The following MGST1 variants were observed in gnomAD, a reference collection of about 807,000 sequenced individuals.
MGST1 encodes the protein glutathione S-transferase 12.
In MGST1, 5 loss-of-function variants were observed where a neutral mutation model predicts 8.9. The observed-to-expected ratio is 0.56, with a 90% CI of 0.29 to 1.19. The LOEUF (loss-of-function observed/expected upper bound fraction) is 1.19, where lower values mean the gene tolerates loss of function less well. MGST1 is among the 50% of genes most tolerant of loss of function. MGST1 has a pLI of 0.08. For synonymous variants in MGST1, 54 were observed against 67.8 expected, an observed-to-expected ratio of 0.80 and a Z score of 1.00; for missense variants, 182 against 187.4, an observed-to-expected ratio of 0.97 and a Z score of 0.17.
At chr12:16,440,271 A>G (rs998745666), downstream of MGST1, among the ~76,000 whole-genome samples, 5 of 150,572 alleles carry the variant, frequency 3.3e-5, no homozygotes, top group South Asian at 8.3e-4. Flanking sequence ...ACACACACAC[A>G]TACACAGTAA....
rs557038727 is a variant in MGST1 at position 16,518,509 on chromosome 12, T to A, written n.483-71019T>A. Among the ~76,000 whole-genome samples the A allele has an allele frequency of 5.9e-5, 9 of 152,094 alleles. No individual in the cohort carries two copies. In the South Asian group the frequency reaches 6.2e-4, roughly 11 times the overall value. The stretch of plus-strand genomic sequence containing the variant: ...TTGCACTTATTTGTTCCCTCTTTTT[T>A]AAAAAAAATGTTTTCCTCACTAAAA... On this transcript the variant is annotated intron_variant and non_coding_transcript_variant, in intron 4 of 4. Transcript: ENST00000538857.
downstream of MGST1, among the ~76,000 whole-genome samples, chr12:16,366,501 G>A (rs1591706529): frequency 6.6e-6 from 1 of 152,058 alleles, no homozygotes; most frequent in Non-Finnish European, 1.5e-5. The surrounding 1 kb of genome is among the most constrained non-coding windows in gnomAD (Gnocchi z 4.0). Flanking sequence ...GGACTCAGGT[G>A]GAATGGTACA....
chr12:16,396,354 C>T (rs1009484863), intron 1 of MGST1, among the ~76,000 whole-genome samples: 10 of 152,188 alleles, frequency 6.6e-5, no homozygotes, highest in African/African-American at 1.9e-4. Context: ...AAGTTGAAAG[C>T]ATTCCCTCTG....
At chr12:16,514,749 G>A (rs961634734) in intron 4 of MGST1, among the ~76,000 whole-genome samples, 1 of 152,218 alleles carries the variant, frequency 6.6e-6, no homozygotes, top group African/African-American at 2.4e-5. Flanking sequence ...GGATGAGAGA[G>A]GGTGGATGGT....
Position 16,486,339 on chromosome 12 carries a change from C to T in MGST1, n.482+102735C>T, listed in dbSNP as rs371562791. Among the ~76,000 whole-genome samples, 5 of 151,986 alleles carry T rather than the reference C, an allele frequency of 3.3e-5. 1 individual carries two copies. The highest frequency in any genetic ancestry group is 6.6e-5 in the Admixed American group (1 of 15,264). On this transcript the variant is annotated intron_variant and non_coding_transcript_variant, in intron 4 of 4. Coordinates refer to the MGST1 transcript ENST00000538857. ...CCTAGAAGAATGCTCAGCTATTAAT[C>T]GAAAATTGATGACTATTTGTTAGAT... is the stretch of plus-strand genomic sequence containing the variant.
rs143188561 is a variant in MGST1 at position 16,537,450 on chromosome 12, C to T, written n.483-52078C>T. Reference sequence around the variant, plus strand: ...ATCTGGAGCATGGTGGCCCTCTTCTCACAGCTCCACTAGGAGGTGCCCCAG... The same window carrying T: ...ATCTGGAGCATGGTGGCCCTCTTCTTACAGCTCCACTAGGAGGTGCCCCAG... On this transcript the variant is annotated intron_variant and non_coding_transcript_variant, in intron 4 of 4. Transcript: ENST00000538857. This position sits in a 1 kb window ranked among gnomAD's most constrained non-coding sequence, Gnocchi z 4.6. 3.8e-3 allele frequency among the ~76,000 whole-genome samples: 582 copies of T among 152,298 alleles called. 5 individuals carry two copies. The highest frequency in any genetic ancestry group is 0.013 in the African/African-American group (552 of 41,568).
chr12:16,394,009 A>G (rs1023696715), intron 1 of MGST1, among the ~76,000 whole-genome samples: 15 of 152,240 alleles, frequency 9.9e-5, no homozygotes, highest in African/African-American at 2.9e-4. Context: ...TTATGCTAAC[A>G]TAAAATCTAT....
rs1336562248 is a variant in MGST1, at chr12:16,410,631, T to C, written n.779-26757T>C. On this transcript the variant is annotated intron_variant and non_coding_transcript_variant, in intron 1 of 1. Coordinates refer to the MGST1 transcript ENST00000359720. The surrounding 1 kb of genome is among the most constrained non-coding windows in gnomAD (Gnocchi z 4.4). ...TATTACATATAAATATTAATATATG[T>C]ATATGTAATACATATATTATATATA... 6.7e-6 allele frequency among the ~76,000 whole-genome samples: 1 copy of C among 148,188 alleles called. No individual in the cohort carries two copies. The highest frequency in any genetic ancestry group is 1.5e-5 in the Non-Finnish European group (1 of 67,280).
intron 4 of MGST1, among the ~76,000 whole-genome samples, chr12:16,557,893 T>C (rs1310461482): frequency 6.6e-6 from 1 of 152,084 alleles, no homozygotes; most frequent in African/African-American, 2.4e-5. Context: ...TCACTATAAA[T>C]GTCACATTCT....
chr12:16,400,362 G>A, intron 1 of MGST1: 3 of 822,274 alleles, frequency 3.6e-6, no homozygotes, highest in Non-Finnish European at 6.5e-6. Flanking sequence ...GAACAGATAT[G>A]AAGCGGAAGC....
intron 4 of MGST1, among the ~76,000 whole-genome samples, chr12:16,530,695 C>T (rs1941717330): frequency 6.6e-6 from 1 of 152,120 alleles, no homozygotes; most frequent in Non-Finnish European, 1.5e-5. Flanking sequence ...TGGCTCATTT[C>T]TACCATGAAG....
At chr12:16,403,797 C>T (rs537664938) in intron 1 of MGST1, among the ~76,000 whole-genome samples, 11 of 152,026 alleles carry the variant, frequency 7.2e-5, no homozygotes, top group East Asian at 3.9e-4. Context: ...ATATTCTGAG[C>T]GAAGGAAGAA....
Position 16,548,117 on chromosome 12 carries a change from G to A in MGST1, n.483-41411G>A, listed in dbSNP as rs2137222526. On this transcript the variant is annotated intron_variant and non_coding_transcript_variant, in intron 4 of 4. Transcript: ENST00000538857. This position sits in a 1 kb window ranked among gnomAD's most constrained non-coding sequence, Gnocchi z 4.2. ...GATCACCTAAAATTTGTATAAATGT[G>A]CAAAATTACACCCAGCAATTGCTAC... Among the ~76,000 whole-genome samples, 1 of 152,220 alleles carries A rather than the reference G, an allele frequency of 6.6e-6. No homozygotes were observed. Among genetic ancestry groups the A allele is most frequent in the African/African-American group, 2.4e-5 (1 of 41,552 alleles).
At chr12:16,400,169 G>T in intron 1 of MGST1, 2 of 1,196,572 alleles carry the variant, frequency 1.7e-6, no homozygotes, top group African/African-American at 1.5e-5. Context: ...ATATGTTGAT[G>T]TTTCCCTAAG....
chr12:16,371,562 A>G (rs1460875509), intron 3 of MGST1, among the ~76,000 whole-genome samples: 2 of 152,096 alleles, frequency 1.3e-5, no homozygotes, highest in African/African-American at 2.4e-5. Context: ...GTTTTTACTA[A>G]TGAACATTTG....
In MGST1 at chr12:16,472,092, TA is replaced by T. The variant is rs563208549; in HGVS notation, n.482+88491del. ...TTCCTTACCTGTCCCTAGGCAAATA[TA>T]AACTGTCCTCCATGATCACATAAAT... On this transcript the variant is annotated intron_variant and non_coding_transcript_variant, in intron 4 of 4. Transcript: ENST00000538857. Among the ~76,000 whole-genome samples the T allele has an allele frequency of 5.3e-4, 81 of 152,264 alleles. 1 individual carries two copies. The South Asian group carries it at 0.016, about 31-fold the overall frequency.
At chr12:16,496,960 A>G (rs1383966536) in intron 4 of MGST1, among the ~76,000 whole-genome samples, 1 of 152,174 alleles carries the variant, frequency 6.6e-6, no homozygotes, top group Non-Finnish European at 1.5e-5. Context: ...CTGACAAACC[A>G]CAAAGATTTC....
chr12:16,464,785 C>G (rs986172173), intron 4 of MGST1, among the ~76,000 whole-genome samples: 3 of 152,192 alleles, frequency 2.0e-5, no homozygotes, highest in African/African-American at 4.8e-5. Context: ...TGTGGCCCCT[C>G]CATGCCCTAG....
Position 16,527,993 on chromosome 12 carries a change from T to G in MGST1, n.483-61535T>G, listed in dbSNP as rs76215337. ...TCCAAGTTTGCAGAGCCAGGCAATA[T>G]GTGAAAATATGTTTAAATCCAGATC... On this transcript the variant is annotated intron_variant and non_coding_transcript_variant, in intron 4 of 4. Transcript: ENST00000538857. Among the ~76,000 whole-genome samples the G allele has an allele frequency of 3.7e-3, 559 of 152,124 alleles. 4 individuals carry two copies. Among genetic ancestry groups the G allele is most frequent in the African/African-American group, 0.013 (547 of 41,530 alleles).
Sources: allele counts gnomAD v4.1 joint callset (sites outside exome capture counted in the v4.1 genomes callset), GRCh38; gene constraint gnomAD v4.1.1; non-coding constraint Gnocchi (gnomAD v3.1); transcripts MANE v1.5; gene names NCBI Gene and HGNC (gene_info 2026-07-23, HGNC 2026-07-21).